The following HDX variants were observed in gnomAD, a reference collection of about 807,000 sequenced individuals.
HDX encodes the protein highly divergent homeobox.
A neutral mutation model predicts 45.2 loss-of-function variants in HDX; 19 were observed. The observed-to-expected ratio is 0.42, with a 90% CI of 0.29 to 0.62. HDX has a LOEUF of 0.62. HDX is among the 20% of genes least tolerant of loss of function. The pLI is 0.20. For synonymous variants in HDX, 188 were observed against 172.8 expected (o/e 1.09, Z -0.69); for missense variants, 532 against 493.9 (o/e 1.08, Z -0.73).
At chrX:84,396,356 G>A (rs1313104148) in intron 5 of HDX, among the ~76,000 whole-genome samples, 1 of 112,255 alleles carries the variant, frequency 8.9e-6, no homozygotes, top group Non-Finnish European at 1.9e-5. Context: ...TATCCTTGAT[G>A]TTTTAGTGTG....
chrX:84,501,204 T>C (rs774599388), intron 1 of HDX, among the ~76,000 whole-genome samples: 3 of 111,938 alleles, frequency 2.7e-5, no homozygotes, highest in Non-Finnish European at 5.6e-5. Flanking sequence ...TTCTTCATTG[T>C]TCCCCACAAC....
intron 1 of HDX, among the ~76,000 whole-genome samples, chrX:84,495,906 T>A (rs991417011): frequency 6.3e-5 from 7 of 111,511 alleles, no homozygotes; most frequent in African/African-American, 2.3e-4. Flanking sequence ...GATAATAAAT[T>A]TGGGTTGTTC....
At chrX:84,500,503 A>G (rs948953206) in intron 1 of HDX, among the ~76,000 whole-genome samples, 4 of 110,351 alleles carry the variant, frequency 3.6e-5, no homozygotes, top group Non-Finnish European at 5.7e-5. Context: ...AACAAAGGAG[A>G]CAATACAAAG....
chrX:84,467,460 C>T (rs1318449375), intron 4 of HDX, among the ~76,000 whole-genome samples: 1 of 109,800 alleles, frequency 9.1e-6, no homozygotes, highest in African/African-American at 3.3e-5. Flanking sequence ...AACCCCATCT[C>T]TACTAAAAAT....
At chrX:84,498,062 A>T (rs1276581893) in intron 1 of HDX, among the ~76,000 whole-genome samples, 2 of 111,785 alleles carry the variant, frequency 1.8e-5, no homozygotes, top group Non-Finnish European at 3.8e-5. Flanking sequence ...CCACCCTGAC[A>T]ATAATAGCCT....
intron 10 of HDX, among the ~76,000 whole-genome samples, chrX:84,324,820 C>A (rs1463101773): frequency 1.8e-5 from 2 of 110,655 alleles, no homozygotes; most frequent in Non-Finnish European, 1.9e-5. Flanking sequence ...AAGAGCCACA[C>A]TTTAAGTTAT....
At chrX:84,387,723 T>A (rs2038352229) in intron 5 of HDX, among the ~76,000 whole-genome samples, 1 of 111,924 alleles carries the variant, frequency 8.9e-6, no homozygotes, top group Admixed American at 9.5e-5. Context: ...ACATGTGAGA[T>A]GGATCTCTTG....
rs767444219 is a variant in HDX, at chrX:84,344,343, G to T, written c.1567C>A (p.Leu523Ile). The T allele has an allele frequency of 8.3e-7, 1 of 1,206,200 alleles. No homozygotes were observed. The change falls in exon 7 of 11, where the codon CTC (leucine) becomes ATC (isoleucine). Residue 523 changes from leucine to isoleucine, a missense_variant. Leu to Ile is a conservative substitution (Grantham distance 5). Transcript: ENST00000373177. ...GGCCCAGCTTCCTCTCCTGGTGTGA[G>T]TGCAGATAAAGAACCAGACTCAGGC... ...EQPESGSLSA[L>I]TPGEEAGPEV...
At chrX:84,336,026 C>G (rs1018525153) in intron 8 of HDX, among the ~76,000 whole-genome samples, 1 of 110,388 alleles carries the variant, frequency 9.1e-6, no homozygotes, top group East Asian at 2.9e-4. Flanking sequence ...AATTAAGAGG[C>G]TATTTTTTAG....
rs751853787 is a variant in HDX at position 84,328,257 on chromosome X, A to T, written c.1825-1957T>A. On this transcript the variant is annotated intron_variant, in intron 9 of 10. Coordinates refer to ENST00000373177, the MANE Select transcript of HDX (RefSeq NM_001177479.2). The stretch of plus-strand genomic sequence containing the variant: ...TGTGGTGGCATGCAGCTATAGTCCC[A>T]GCTATTCAGGAGGCTGAAGCAAGAG... Among the ~76,000 whole-genome samples, 18 of 110,812 alleles carry T rather than the reference A, an allele frequency of 1.6e-4. No individual in the cohort carries two copies. In the South Asian group the frequency reaches 6.9e-3, roughly 42 times the overall value.
At chrX:84,484,509 A>C (rs1476332455) in intron 2 of HDX, among the ~76,000 whole-genome samples, 1 of 60,855 alleles carries the variant, frequency 1.6e-5, no homozygotes, top group Non-Finnish European at 3.0e-5. Flanking sequence ...ATACCACCCC[A>C]TGATTCAATT....
chrX:84,491,561 A>G (rs185827162), intron 1 of HDX, among the ~76,000 whole-genome samples: 1 of 110,516 alleles, frequency 9.0e-6, no homozygotes, highest in Non-Finnish European at 1.9e-5. Flanking sequence ...ATATTTTCCT[A>G]TTTCTTTGCA....
chrX:84,402,189 A>G (rs747681672), intron 5 of HDX, among the ~76,000 whole-genome samples: 2 of 111,848 alleles, frequency 1.8e-5, no homozygotes, highest in South Asian at 7.6e-4. Context: ...CTGCACTGGT[A>G]TTCTGGAACT....
chrX:84,445,783 C>T (rs2039859606), intron 4 of HDX, among the ~76,000 whole-genome samples: 1 of 111,665 alleles, frequency 9.0e-6, no homozygotes, highest in Non-Finnish European at 1.9e-5. Context: ...AATGCTACAA[C>T]TTTTGGATAA....
chrX:84,497,611 G>GA (rs200150283), intron 1 of HDX, among the ~76,000 whole-genome samples: 11 of 104,818 alleles, frequency 1.0e-4, no homozygotes, highest in East Asian at 5.9e-4. Flanking sequence ...CTCCACTAAG[G>GA]AAAAAAAAAG....
chrX:84,425,588 A>C (rs1172855127), intron 5 of HDX, among the ~76,000 whole-genome samples: 2 of 112,047 alleles, frequency 1.8e-5, no homozygotes, highest in Admixed American at 1.9e-4. Flanking sequence ...TGAATCCTGC[A>C]AATGTGGTAA....
intron 7 of HDX, among the ~76,000 whole-genome samples, chrX:84,337,555 A>T (rs955328427): frequency 1.8e-5 from 2 of 111,723 alleles, no homozygotes; most frequent in African/African-American, 3.2e-5. Flanking sequence ...ATGATATAAA[A>T]CCATAAATCC....
chrX:84,476,052 A>G (rs56103302), intron 2 of HDX, among the ~76,000 whole-genome samples: 2,694 of 111,933 alleles, frequency 0.024, 32 homozygotes, highest in Middle Eastern at 0.083. Context: ...CTCAAAATAA[A>G]CCATGTTAAA....
At chrX:84,482,862 G>A (rs943824783) in intron 2 of HDX, among the ~76,000 whole-genome samples, 4 of 112,010 alleles carry the variant, frequency 3.6e-5, no homozygotes, top group African/African-American at 1.3e-4. Context: ...AAGCAAGTTA[G>A]TTACTTCCTA....
Sources: allele counts gnomAD v4.1 joint callset (sites outside exome capture counted in the v4.1 genomes callset), GRCh38; gene constraint gnomAD v4.1.1; transcripts MANE v1.5; gene names NCBI Gene and HGNC (gene_info 2026-07-23, HGNC 2026-07-21).